The following CARS1 variants were observed in gnomAD, a reference collection of about 807,000 sequenced individuals.
CARS1 encodes cysteine--tRNA ligase, cytoplasmic.
Under a neutral mutation model 106.2 loss-of-function variants are expected in CARS1, and 48 were observed. The observed-to-expected ratio is 0.45, with a 90% CI of 0.36 to 0.57. The LOEUF is 0.57. CARS1 is among the 20% of genes least tolerant of loss of function. The pLI is 0.00. For synonymous variants in CARS1, 409 were observed against 403.4 expected (o/e 1.01, Z -0.17); for missense variants, 968 against 1,057.2 (o/e 0.92, Z 1.17).
At chr11:3,023,456 G>A (rs1176253296) in intron 10 of CARS1, among the ~76,000 whole-genome samples, 1 of 152,176 alleles carries the variant, frequency 6.6e-6, no homozygotes, top group Admixed American at 6.5e-5. Flanking sequence ...GTGCAACGGT[G>A]TAATCACAGC....
intron 1 of CARS1, among the ~76,000 whole-genome samples, chr11:3,054,621 G>T (rs915078211): frequency 6.6e-6 from 1 of 152,242 alleles, no homozygotes; most frequent in Admixed American, 6.5e-5. Context: ...GGCTGCCCAG[G>T]TTGGGAGCCT....
chr11:3,017,825 T>G lies in CARS1; in HGVS notation c.1727+32A>C. The G allele has an allele frequency of 6.7e-7, 1 of 1,497,004 alleles. No individual in the cohort carries two copies. The highest frequency in any genetic ancestry group is 1.4e-5 in the African/African-American group (1 of 72,558). 92.7% of individuals were successfully genotyped at this position (1,497,004 alleles called of 1,614,324 possible). A position where few individuals can be genotyped will look rare whatever the true frequency, so the allele number is the denominator to read the frequency against. On this transcript the variant is annotated intron_variant, in intron 15 of 22. Coordinates refer to ENST00000380525, the MANE Select transcript of CARS1 (RefSeq NM_001014437.3). The surrounding 1 kb of genome is among the most constrained non-coding windows in gnomAD (Gnocchi z 4.9). ...GGCTAGGCATAGAACATGGGCATGC[T>G]CAAAAACCCCAAAGAAATGGCACCA...
Position 3,017,013 on chromosome 11 carries a change from G to A in CARS1, c.1917+93C>T. 1 of 1,059,444 alleles carries A rather than the reference G, an allele frequency of 9.4e-7. No individual in the cohort carries two copies. The highest frequency in any genetic ancestry group is 1.4e-6 in the Non-Finnish European group (1 of 729,406). The allele number at this position is 1,059,444 out of a possible 1,614,324, so 65.6% of individuals were successfully genotyped here. On this transcript the variant is annotated intron_variant, in intron 16 of 22. Coordinates refer to ENST00000380525, the MANE Select transcript of CARS1 (RefSeq NM_001014437.3). The surrounding 1 kb of genome is among the most constrained non-coding windows in gnomAD (Gnocchi z 4.9). ...GTGCTGGGCACCAGGCACAGCACTG[G>A]GGGGCACCAGAGGCCTCTGTTCTCC...
intron 18 of CARS1, among the ~76,000 whole-genome samples, chr11:3,011,723 G>A (rs1391551338): frequency 6.6e-6 from 1 of 152,156 alleles, no homozygotes; most frequent in Non-Finnish European, 1.5e-5. Context: ...AGCAGAAAAG[G>A]GAACCCTGGA....
In CARS1 at chr11:3,030,231, G is replaced by C. The variant is rs1246192950; in HGVS notation, c.802-788C>G. On this transcript the variant is annotated intron_variant, in intron 7 of 22. Transcript: ENST00000380525. The surrounding 1 kb of genome is among the most constrained non-coding windows in gnomAD (Gnocchi z 5.7). The stretch of plus-strand genomic sequence containing the variant: ...CTGGAGAGAAAAAGTGTAGGAAAAT[G>C]GCCTGGCAGACAGCAAGGACACAGG... The C allele has an allele frequency of 6.6e-6, 1 of 152,296 alleles. No individual in the cohort carries two copies. Among genetic ancestry groups the C allele is most frequent in the African/African-American group, 2.4e-5 (1 of 41,426 alleles). The allele number at this position is 152,296 out of a possible 1,614,324, so 9.4% of individuals were successfully genotyped here. A position where few individuals can be genotyped will look rare whatever the true frequency, so the allele number is the denominator to read the frequency against.
chr11:3,051,765 A>G (rs761839471), intron 1 of CARS1, among the ~76,000 whole-genome samples: 1 of 152,128 alleles, frequency 6.6e-6, no homozygotes. Context: ...CTGTTCCCCA[A>G]TGCTGACCCT....
At chr11:3,027,057 C>T in intron 9 of CARS1, 1 of 399,448 alleles carries the variant, frequency 2.5e-6, no homozygotes, top group Admixed American at 4.4e-5. Context: ...AGCTCCCACC[C>T]TGCCTTGCTC....
chr11:3,012,231 G>T lies in CARS1; in HGVS notation c.2032C>A (p.Arg678=). The T allele has an allele frequency of 1.9e-6, 3 of 1,614,218 alleles. No individual in the cohort carries two copies. Among genetic ancestry groups the T allele is most frequent in the Non-Finnish European group, 2.5e-6 (3 of 1,180,030 alleles). ...CGGGCAATCTTCCGCACTCCTTCTC[G>T]GAATTCTGATAACACCTGAAGGTAG... ...MPYLQVLSEF[R]EGVRKIAREQ... Residue 678 remains arginine (R), a synonymous_variant, in exon 18 of 23, where the codon CGA becomes AGA. Transcript: ENST00000380525.
At chr11:3,031,245 T>C (rs569044508) in intron 7 of CARS1, 1 of 152,142 alleles carries the variant, frequency 6.6e-6, no homozygotes, top group Non-Finnish European at 1.5e-5. Flanking sequence ...ATGCGCCTGA[T>C]AGAAAAGACA....
At chr11:3,025,425 G>A (rs987590780) in intron 10 of CARS1, among the ~76,000 whole-genome samples, 5 of 152,144 alleles carry the variant, frequency 3.3e-5, no homozygotes, top group South Asian at 2.1e-4. Context: ...ATGGGGTTTC[G>A]CCATGTTGGC....
intron 1 of CARS1, among the ~76,000 whole-genome samples, chr11:3,056,610 G>GC (rs1256661334): frequency 1.3e-5 from 2 of 152,204 alleles, no homozygotes; most frequent in African/African-American, 4.8e-5. Context: ...CCTTCGTAAA[G>GC]CCCCAAGCCC....
Position 3,041,103 on chromosome 11 carries a change from A to C in CARS1, c.367-119T>G. 6.6e-7 allele frequency: 1 copy of C among 1,519,516 alleles called. No homozygotes were observed. The highest frequency in any genetic ancestry group is 1.4e-5 in the African/African-American group (1 of 72,180). The allele number at this position is 1,519,516 out of a possible 1,614,324, so 94.1% of individuals were successfully genotyped here. ...GTGTTTAGTGTAAACAATTCAACAG[A>C]GACCATTTTGTTTTACTGTGAAAAG... On this transcript the variant is annotated intron_variant, in intron 3 of 22. Coordinates refer to ENST00000380525, the MANE Select transcript of CARS1 (RefSeq NM_001014437.3). The surrounding 1 kb of genome is among the most constrained non-coding windows in gnomAD (Gnocchi z 4.9).
In CARS1 at chr11:3,021,971, G is replaced by GAA. The variant is rs886326152; in HGVS notation, c.1154-1641_1154-1640dup. On this transcript the variant is annotated intron_variant, in intron 10 of 22. Coordinates refer to ENST00000380525, the MANE Select transcript of CARS1 (RefSeq NM_001014437.3). This position sits in a 1 kb window ranked among gnomAD's most constrained non-coding sequence, Gnocchi z 5.3. The stretch of plus-strand genomic sequence containing the variant: ...ATCTGATTTTTTAAAAATACGCTTT[G>GAA]AAAAAATTGATAACAGAGAACACAG... 6.6e-5 allele frequency among the ~76,000 whole-genome samples: 10 copies of GAA among 152,118 alleles called. No homozygotes were observed. The highest frequency in any genetic ancestry group is 9.7e-5 in the African/African-American group (4 of 41,414).
At chr11:3,005,619 T>C (rs1451998262) in intron 19 of CARS1, among the ~76,000 whole-genome samples, 186 bp from the exon 20 acceptor site, 1 of 145,186 alleles carries the variant, frequency 6.9e-6, no homozygotes, top group Non-Finnish European at 1.5e-5. Context: ...CATTTTGGTT[T>C]GTGTGTGTGT....
chr11:3,005,341 C>A lies in CARS1; in HGVS notation c.2217+25G>T, dbSNP rs768663916. ...TTTTACATTTTCAACAAATATCACG[C>A]TTAAGTCATTTTCACTTTACTCACC... On this transcript the variant is annotated intron_variant, in intron 20 of 22. Transcript: ENST00000380525. The A allele has an allele frequency of 5.0e-5, 77 of 1,553,138 alleles. No homozygotes were observed. In the South Asian group the frequency reaches 8.5e-4, roughly 17 times the overall value.
In CARS1 at chr11:3,046,448, C is replaced by G. The variant is rs192601951; in HGVS notation, c.274+1305G>C. ...GTCACTTGGGTGACCGCGCTGGAGG[C>G]TCAGGCAGGAACGGCTACATGGGGA... is the stretch of plus-strand genomic sequence containing the variant. On this transcript the variant is annotated intron_variant, in intron 2 of 22. Transcript: ENST00000380525. The surrounding 1 kb of genome is among the most constrained non-coding windows in gnomAD (Gnocchi z 5.8). Among the ~76,000 whole-genome samples, 492 of 152,304 alleles carry G rather than the reference C, an allele frequency of 3.2e-3. 3 individuals carry two copies. Among genetic ancestry groups the G allele is most frequent in the African/African-American group, 0.011 (472 of 41,570 alleles).
At position 3,034,554 on chromosome 11, in the gene CARS1, G is replaced by A. The variant is rs1213994824; in HGVS notation, c.801+3496C>T. On this transcript the variant is annotated intron_variant, in intron 7 of 22. Coordinates refer to ENST00000380525, the MANE Select transcript of CARS1 (RefSeq NM_001014437.3). The surrounding 1 kb of genome is among the most constrained non-coding windows in gnomAD (Gnocchi z 6.3). ...GTAAAATTTTTTTTCTTTTTGAGAC[G>A]GAGTCTTGCTTCGTCGCCAGGCTGC... 2.7e-5 allele frequency among the ~76,000 whole-genome samples: 4 copies of A among 150,564 alleles called. No homozygotes were observed. The highest frequency in any genetic ancestry group is 7.4e-5 in the African/African-American group (3 of 40,748).
intron 7 of CARS1, among the ~76,000 whole-genome samples, chr11:3,031,915 T>A (rs1056620908): frequency 2.6e-5 from 4 of 152,132 alleles, no homozygotes; most frequent in Middle Eastern, 3.4e-3. Flanking sequence ...AAAATCCCCT[T>A]GTGTTTCCAA....
chr11:3,025,690 A>G (rs1851988955), intron 10 of CARS1, among the ~76,000 whole-genome samples: 1 of 152,212 alleles, frequency 6.6e-6, no homozygotes, highest in Admixed American at 6.5e-5. Context: ...GAGGCTTCCA[A>G]CCTTGCCTCT....
Sources: allele counts gnomAD v4.1 joint callset (sites outside exome capture counted in the v4.1 genomes callset), GRCh38; gene constraint gnomAD v4.1.1; non-coding constraint Gnocchi (gnomAD v3.1); transcripts MANE v1.5; gene names NCBI Gene and HGNC (gene_info 2026-07-23, HGNC 2026-07-21).